Variants in MYO7A observed in about 807,000 individuals in gnomAD.
The protein encoded by MYO7A is unconventional myosin-VIIa.
A neutral mutation model predicts 263.8 loss-of-function variants in MYO7A; 210 were observed. The observed-to-expected ratio is 0.80, with a 90% confidence interval of 0.71 to 0.89. The LOEUF is 0.89. MYO7A is among the 40% of genes least tolerant of loss of function. The probability of loss-of-function intolerance (pLI) is 0.00; values close to 1 mark genes in which losing one functional copy is unlikely to be tolerated. For missense variants in MYO7A, 2,820 were observed against 2,968.3 expected, an observed-to-expected ratio of 0.95 and a Z score of 1.16; for synonymous variants, 1,239 against 1,197.3, an observed-to-expected ratio of 1.03 and a Z score of -0.72.
chr11:77,173,400 T>C (rs181531419), intron 16 of MYO7A, among the ~76,000 whole-genome samples: 106 of 152,372 alleles, frequency 7.0e-4, no homozygotes, highest in South Asian at 1.7e-3. Flanking sequence ...TTCTTGACTT[T>C]TCTGAATAAC....
chr11:77,202,268 C>T (rs1957114032), intron 36 of MYO7A, 32 bp from the exon 37 acceptor site: 2 of 1,560,484 alleles, frequency 1.3e-6, no homozygotes, highest in Non-Finnish European at 1.7e-6. Context: ...AGGTAGAGAG[C>T]TGACCTGAGC....
chr11:77,202,922 C>T (rs1957170479), intron 37 of MYO7A, 138 bp from the exon 38 acceptor site: 2 of 1,089,242 alleles, frequency 1.8e-6, no homozygotes, highest in Non-Finnish European at 2.6e-6. Flanking sequence ...ACATGCAGGG[C>T]AGGGAAGAGC....
In MYO7A at chr11:77,208,424, C is replaced by A; in HGVS notation, c.5857-6C>A. On this transcript the variant is annotated splice_region_variant and splice_polypyrimidine_tract_variant and intron_variant, in intron 42 of 48. Transcript: ENST00000409709. ...ACTGAGTGTGCTTCGATGGCCCTGA[C>A]CCCAGGTCCTCAGCGTTCCTGAGAA... The A allele has an allele frequency of 6.2e-7, 1 of 1,608,010 alleles. No individual in the cohort carries two copies. The highest frequency in any genetic ancestry group is 8.5e-7 in the Non-Finnish European group (1 of 1,175,066).
At chr11:77,179,589 G>C (rs534310061) in intron 20 of MYO7A, 146 bp from the exon 21 acceptor site, 1 of 669,988 alleles carries the variant, frequency 1.5e-6, no homozygotes, top group South Asian at 2.1e-5. Context: ...CTAACGATGG[G>C]GGGGCACTAA....
intron 2 of MYO7A, 26 bp from the exon 3 acceptor site, chr11:77,142,683 G>T: frequency 6.3e-7 from 1 of 1,582,256 alleles, no homozygotes; most frequent in East Asian, 2.3e-5. Flanking sequence ...CTGCTCACCT[G>T]GGCTGAGACT....
rs1555069315 is a variant in MYO7A at position 77,162,151 on chromosome 11, G to A, written c.1375G>A (p.Glu459Lys). The A allele has an allele frequency of 1.2e-6, 2 of 1,603,862 alleles. No homozygotes were observed. The highest frequency in any genetic ancestry group is 1.7e-6 in the Non-Finnish European group (2 of 1,175,316). The change falls in exon 13 of 49, where the codon GAG becomes AAG. Residue 459 changes from glutamate (E) to lysine (K), a missense_variant. Coordinates refer to ENST00000409709, the MANE Select transcript of MYO7A (RefSeq NM_000260.4). ...FEQLCINFAN[E>K]HLQQFFVRHV... Reference sequence around the variant, plus strand: ...GCAGCTCTGCATCAACTTCGCCAATGAGCACCTGCAGCAGTTCTTTGTGCG... The same window carrying A: ...GCAGCTCTGCATCAACTTCGCCAATAAGCACCTGCAGCAGTTCTTTGTGCG...
At chr11:77,198,697 A>G in intron 34 of MYO7A, 76 bp downstream of exon 34, 3 of 1,593,200 alleles carry the variant, frequency 1.9e-6, no homozygotes, top group South Asian at 1.1e-5. Context: ...GGGTCACAGG[A>G]AGTGAAGAGG....
At chr11:77,211,468 CG>C in intron 45 of MYO7A, 131 bp downstream of exon 45, 1 of 1,052,656 alleles carries the variant, frequency 9.5e-7, no homozygotes. Flanking sequence ...TTGATGAGGC[CG>C]CCCACCCTTG....
chr11:77,161,491 T>C (rs185033542), intron 12 of MYO7A, among the ~76,000 whole-genome samples: 1 of 152,322 alleles, frequency 6.6e-6, no homozygotes, highest in East Asian at 1.9e-4. Flanking sequence ...ATTCTGTGCC[T>C]TTTAGGGGCC....
intron 27 of MYO7A, among the ~76,000 whole-genome samples, chr11:77,186,051 T>C (rs952107954): frequency 3.3e-5 from 5 of 151,672 alleles, no homozygotes; most frequent in African/African-American, 1.2e-4. Context: ...GCCTCCCGAG[T>C]GGCTGGGACT....
Position 77,158,262 on chromosome 11 carries a change from C to T in MYO7A, c.850-15C>T. ...GACGTCCTCTTGCACCCCACTCTCC[C>T]ACCCTGCCCACCAGGGTAACTGCAT... On this transcript the variant is annotated splice_polypyrimidine_tract_variant and intron_variant, in intron 8 of 48. Transcript: ENST00000409709. The T allele has an allele frequency of 6.3e-7, 1 of 1,582,448 alleles. No homozygotes were observed. Among genetic ancestry groups the T allele is most frequent in the East Asian group, 2.3e-5 (1 of 44,024 alleles).
rs1440517216 is a variant in MYO7A, at chr11:77,138,287, G to T, written c.19-4422G>T. Among the ~76,000 whole-genome samples, 1 of 131,002 alleles carries T rather than the reference G, an allele frequency of 7.6e-6. No individual in the cohort carries two copies. The highest frequency in any genetic ancestry group is 1.6e-5 in the Non-Finnish European group (1 of 62,602). The allele number at this position is 131,002 out of a possible 152,430, so 85.9% of individuals were successfully genotyped here. On this transcript the variant is annotated intron_variant, in intron 2 of 48. Transcript: ENST00000409709. This position sits in a 1 kb window ranked among gnomAD's most constrained non-coding sequence, Gnocchi z 4.9. ...AGGTGAATTAGGGAGCCGGAGCAGT[G>T]CCGCCGTCGCCGTCGCAGCGCCATG...
In MYO7A at chr11:77,203,006, C is replaced by G. The variant is rs567615695; in HGVS notation, c.5169-54C>G. ...TGGGGGTCTCACAACCTGGGGGTTT[C>G]TCCCCGGGGCTGCCAGCGATGGGGC... On this transcript the variant is annotated intron_variant, in intron 37 of 48. Transcript: ENST00000409709. The G allele has an allele frequency of 2.0e-5, 30 of 1,533,910 alleles. No homozygotes were observed. In the South Asian group the frequency reaches 2.9e-4, roughly 15 times the overall value.
intron 23 of MYO7A, among the ~76,000 whole-genome samples, 163 bp from the exon 24 acceptor site, chr11:77,181,779 GTTTTTTTTT>G (rs782689084): frequency 1.1e-5 from 1 of 90,052 alleles, no homozygotes; most frequent in Admixed American, 1.3e-4. Flanking sequence ...TTTTTTTTTT[GTTTTTTTTT>G]TTTTTTTTTT....
chr11:77,158,980 T>A (rs1464693077), intron 9 of MYO7A, among the ~76,000 whole-genome samples: 2 of 152,140 alleles, frequency 1.3e-5, no homozygotes, highest in African/African-American at 4.8e-5. Context: ...GCCCAAGGAA[T>A]GAATGATCCC....
chr11:77,182,039 A>G lies in MYO7A; in HGVS notation c.2993A>G (p.Glu998Gly). The part of the protein sequence containing the change: ...LPDEDEEDLS[E>G]YKFAKFAATY... ...GACGAGGATGAGGAGGACCTCTCTG[A>G]GTATAAATTTGCCAAGTTCGCGGCC... Residue 998 changes from glutamate to glycine, a missense_variant, in exon 24 of 49, where the codon GAG becomes GGG. Physicochemically the swap from Glu to Gly is moderately conservative, Grantham distance 98. Transcript: ENST00000409709. 2 of 1,613,384 alleles carry G rather than the reference A, an allele frequency of 1.2e-6. No homozygotes were observed. Among genetic ancestry groups the G allele is most frequent in the Non-Finnish European group, 1.7e-6 (2 of 1,179,800 alleles).
chr11:77,142,381 C>T (rs1160388345), intron 2 of MYO7A, among the ~76,000 whole-genome samples: 1 of 152,146 alleles, frequency 6.6e-6, no homozygotes, highest in African/African-American at 2.4e-5. Flanking sequence ...CTGTCTAGAC[C>T]CCAGTGAATC....
intron 15 of MYO7A, among the ~76,000 whole-genome samples, chr11:77,171,731 A>T (rs1386141610): frequency 6.6e-6 from 1 of 152,220 alleles, no homozygotes; most frequent in Non-Finnish European, 1.5e-5. Flanking sequence ...GAAATTCTCA[A>T]CCAAATGAAA....
chr11:77,169,472 G>A (rs4944147), intron 15 of MYO7A, among the ~76,000 whole-genome samples: 36,825 of 152,136 alleles, frequency 0.24, 5,168 homozygotes, highest in Non-Finnish European at 0.3. Context: ...CCCCTTTCAT[G>A]TCACGCTCTG....
Sources: gnomAD v4.1 joint callset for allele counts (sites outside exome capture counted in the v4.1 genomes callset) on GRCh38, gnomAD v4.1.1 for gene constraint, Gnocchi (gnomAD v3.1) non-coding constraint, MANE v1.5 for transcripts, NCBI Gene and HGNC (gene_info 2026-07-23, HGNC 2026-07-21) for gene names.